DIS3L2: variants seen among roughly 807,000 people sequenced by gnomAD.
DIS3L2 encodes DIS3 like 3'-5' exoribonuclease 2.
A neutral mutation model predicts 97.5 loss-of-function variants in DIS3L2; 34 were observed. The observed-to-expected ratio is 0.35, with a 90% confidence interval of 0.27 to 0.46. The LOEUF (loss-of-function observed/expected upper bound fraction) is 0.46, where lower values mean the gene tolerates loss of function less well. Ranked by LOEUF, DIS3L2 falls within the 20% of genes least tolerant of loss-of-function variation. DIS3L2 has a pLI of 1.00. For synonymous variants in DIS3L2, 435 were observed against 445.2 expected, an observed-to-expected ratio of 0.98 and a Z score of 0.29; for missense variants, 1,038 against 1,146.0, an observed-to-expected ratio of 0.91 and a Z score of 1.36.
At chr2:231,990,909 G>A (rs1229678043) in intron 1 of DIS3L2, among the ~76,000 whole-genome samples, 1 of 152,042 alleles carries the variant, frequency 6.6e-6, no homozygotes, top group Non-Finnish European at 1.5e-5. Flanking sequence ...TTTTTGGAGT[G>A]CTATATGAAT....
At chr2:232,147,576 A>G (rs1028967036) in intron 8 of DIS3L2, among the ~76,000 whole-genome samples, 18 of 152,182 alleles carry the variant, frequency 1.2e-4, no homozygotes, top group Non-Finnish European at 2.2e-4. Context: ...ATAGGATGAA[A>G]TGTGGTTTTT....
At chr2:232,165,901 AT>A (rs1193469547) in intron 9 of DIS3L2, among the ~76,000 whole-genome samples, 1 of 151,902 alleles carries the variant, frequency 6.6e-6, no homozygotes, top group Admixed American at 6.6e-5. Context: ...GAAGTATTCC[AT>A]TTTTTCTAGC....
chr2:232,197,571 A>G (rs1574939879), intron 9 of DIS3L2, among the ~76,000 whole-genome samples: 1 of 152,180 alleles, frequency 6.6e-6, no homozygotes, highest in East Asian at 1.9e-4. Flanking sequence ...AAATGAAGTC[A>G]TTGTCAACCT....
intron 5 of DIS3L2, among the ~76,000 whole-genome samples, chr2:232,060,409 G>A (rs979755085): frequency 7.2e-5 from 11 of 152,032 alleles, no homozygotes; most frequent in Admixed American, 7.2e-4. Flanking sequence ...TGTGATTTTT[G>A]TATATGGCAA....
chr2:232,261,937 T>C (rs1574978950), intron 12 of DIS3L2, among the ~76,000 whole-genome samples: 1 of 152,176 alleles, frequency 6.6e-6, no homozygotes, highest in East Asian at 1.9e-4. Context: ...CCTCATAGCA[T>C]TGTTATGAGA....
At chr2:232,297,534 G>A (rs76666938) in intron 13 of DIS3L2, among the ~76,000 whole-genome samples, 3,144 of 152,264 alleles carry the variant, frequency 0.021, 61 homozygotes, top group Middle Eastern at 0.058. Flanking sequence ...GGAGGGCTTA[G>A]AATTCTGTAA....
At chr2:232,156,542 C>T (rs1159811177) in intron 8 of DIS3L2, among the ~76,000 whole-genome samples, 1 of 151,782 alleles carries the variant, frequency 6.6e-6, no homozygotes, top group East Asian at 1.9e-4. Context: ...CTCTCCCTCC[C>T]TGGAATCTTT....
chr2:232,169,008 C>T (rs1489921234), intron 9 of DIS3L2, among the ~76,000 whole-genome samples: 1 of 152,166 alleles, frequency 6.6e-6, no homozygotes, highest in African/African-American at 2.4e-5. Context: ...CCTTGTGGAA[C>T]TCTCAGTTTG....
intron 5 of DIS3L2, among the ~76,000 whole-genome samples, chr2:232,079,203 TAGA>T (rs1344048962): frequency 6.6e-6 from 1 of 152,162 alleles, no homozygotes; most frequent in East Asian, 1.9e-4. Flanking sequence ...GTGAATAGAA[TAGA>T]TACCTCTATG....
At chr2:232,023,399 A>C (rs1455863399) in intron 3 of DIS3L2, among the ~76,000 whole-genome samples, 2 of 152,300 alleles carry the variant, frequency 1.3e-5, no homozygotes, top group South Asian at 2.1e-4. Context: ...TGTTTTGTTA[A>C]TTATGTATCT....
intron 6 of DIS3L2, among the ~76,000 whole-genome samples, chr2:232,090,049 C>T (rs1263643521): frequency 1.3e-5 from 2 of 152,144 alleles, no homozygotes; most frequent in East Asian, 3.9e-4. Flanking sequence ...CCTGCCTCAG[C>T]CTCCTGAGTA....
rs1016422751 is a variant in DIS3L2 at position 232,100,856 on chromosome 2, A to G, written c.601+13135A>G. Among the ~76,000 whole-genome samples the G allele has an allele frequency of 1.8e-4, 27 of 151,336 alleles. No homozygotes were observed. In the South Asian group the frequency reaches 1.9e-3, roughly 11 times the overall value. On this transcript the variant is annotated intron_variant, in intron 6 of 20. Transcript: ENST00000325385. ...ATATATATCTCCACAAATTTGATTT[A>G]TAATTATATTGTTCTTCCCTTCATA...
At chr2:232,234,684 T>C (rs1692886050) in intron 10 of DIS3L2, among the ~76,000 whole-genome samples, 1 of 152,262 alleles carries the variant, frequency 6.6e-6, no homozygotes, top group South Asian at 2.1e-4. Context: ...GTAGTTGTTA[T>C]GGATCACAAA....
intron 6 of DIS3L2, among the ~76,000 whole-genome samples, chr2:232,095,791 C>CCATT (rs1489022490): frequency 1.3e-5 from 2 of 151,946 alleles, no homozygotes; most frequent in Non-Finnish European, 2.9e-5. Flanking sequence ...CTGGGAAAGT[C>CCATT]TTTATTTCTC....
At chr2:232,101,818 A>G (rs939867104) in intron 6 of DIS3L2, among the ~76,000 whole-genome samples, 3 of 152,224 alleles carry the variant, frequency 2.0e-5, no homozygotes, top group Non-Finnish European at 4.4e-5. Flanking sequence ...AAATAGCAAT[A>G]TATACAATAC....
At chr2:232,004,662 C>A (rs1436860172) in intron 1 of DIS3L2, among the ~76,000 whole-genome samples, 1 of 151,566 alleles carries the variant, frequency 6.6e-6, no homozygotes, top group Non-Finnish European at 1.5e-5. Context: ...CTCAGTGCAA[C>A]CTCCACCTCC....
chr2:232,031,762 T>C (rs1309248014), intron 5 of DIS3L2, among the ~76,000 whole-genome samples: 10 of 152,188 alleles, frequency 6.6e-5, no homozygotes, highest in Admixed American at 6.5e-4. Context: ...TCTGGTTTTC[T>C]GTTCCTGTGT....
intron 5 of DIS3L2, among the ~76,000 whole-genome samples, chr2:232,051,057 A>G (rs1695385816): frequency 6.6e-6 from 1 of 152,244 alleles, no homozygotes; most frequent in Non-Finnish European, 1.5e-5. Context: ...GAAGAGACGC[A>G]TGCATTCCTC....
chr2:232,001,664 G>GT (rs1351538353), intron 1 of DIS3L2, among the ~76,000 whole-genome samples: 1 of 99,154 alleles, frequency 1.0e-5, no homozygotes, highest in African/African-American at 4.0e-5. Flanking sequence ...TTAACTCCAT[G>GT]TTTTTTCCCA....
Sources: gnomAD v4.1 joint callset for allele counts (sites outside exome capture counted in the v4.1 genomes callset) on GRCh38, gnomAD v4.1.1 for gene constraint, MANE v1.5 for transcripts, NCBI Gene and HGNC (gene_info 2026-07-23, HGNC 2026-07-21) for gene names.